STAM: variants seen among roughly 807,000 people sequenced by gnomAD.
STAM encodes the protein signal transducing adapter molecule 1.
Under a neutral mutation model 63.4 loss-of-function variants are expected in STAM, and 16 were observed. The ratio of observed to expected loss-of-function variants is 0.25; its 90% confidence interval spans 0.17 to 0.38. The LOEUF (loss-of-function observed/expected upper bound fraction) is 0.38, where lower values mean the gene tolerates loss of function less well. Among genes scored for constraint, STAM ranks in the 10% least tolerant of loss-of-function variants. The pLI, the probability that STAM is intolerant of heterozygous loss-of-function variation, is 1.00. For missense variants in STAM, 636 were observed against 657.1 expected (o/e 0.97, Z 0.35); for synonymous variants, 238 against 223.9 (o/e 1.06, Z -0.56).
At chr10:17,694,130 A>C (rs868931852) in intron 6 of STAM, among the ~76,000 whole-genome samples, 13 of 152,246 alleles carry the variant, frequency 8.5e-5, no homozygotes, top group Admixed American at 2.0e-4. Context: ...GATATGTACA[A>C]GTCTTTATTT....
intron 13 of STAM, among the ~76,000 whole-genome samples, chr10:17,709,364 C>A (rs1001182835): frequency 6.6e-6 from 1 of 152,074 alleles, no homozygotes; most frequent in Admixed American, 6.6e-5. Flanking sequence ...CTCTTTAAGA[C>A]AAATATTTTC....
chr10:17,675,018 A>C (rs1015738873), intron 2 of STAM, among the ~76,000 whole-genome samples: 9 of 152,262 alleles, frequency 5.9e-5, no homozygotes, highest in Non-Finnish European at 1.3e-4. Context: ...ACATGGAAAA[A>C]ATTGTTCTGT....
chr10:17,700,207 G>C lies in STAM; in HGVS notation c.840G>C (p.Lys280Asn). The C allele has an allele frequency of 6.2e-7, 1 of 1,608,090 alleles. No homozygotes were observed. The highest frequency in any genetic ancestry group is 8.5e-7 in the Non-Finnish European group (1 of 1,177,584). The change falls in exon 9 of 14, where the codon AAG becomes AAC. Residue 280 changes from lysine (K) to asparagine (N), a missense_variant. Lys to Asn is a moderately conservative substitution (Grantham distance 94, BLOSUM62 0). Around this residue, in one of 3 missense-constraint regions of STAM, gnomAD observed 532 missense variants for 536.9 expected, o/e 0.99. Coordinates refer to ENST00000377524, the MANE Select transcript of STAM (RefSeq NM_003473.4). ...AEPEMIKTEK[K>N]TVQFSDDVQV... ...ATCTTACAGTTAAAACAGAGAAGAAGACGGTACAATTTAGTGATGATGTTC... is the reference window on the plus strand; with the variant it reads ...ATCTTACAGTTAAAACAGAGAAGAACACGGTACAATTTAGTGATGATGTTC...
intron 5 of STAM, 53 bp from the exon 6 acceptor site, chr10:17,693,169 A>G: frequency 6.6e-7 from 1 of 1,513,750 alleles, no homozygotes; most frequent in Non-Finnish European, 9.1e-7. Flanking sequence ...GGTGGGTGAG[A>G]GGAGGAGAAT....
chr10:17,687,245 C>T (rs903551476), intron 4 of STAM, among the ~76,000 whole-genome samples: 5 of 152,032 alleles, frequency 3.3e-5, no homozygotes, highest in Non-Finnish European at 1.5e-5. Context: ...GAGGCTGAGG[C>T]GGGCGAATCA....
rs868921837 is a variant in STAM, at chr10:17,667,081, C to T, written c.125+6533C>T. 7.3e-5 allele frequency among the ~76,000 whole-genome samples: 11 copies of T among 151,664 alleles called. No homozygotes were observed. In the Middle Eastern group the frequency reaches 0.017, roughly 238 times the overall value. Reference sequence around the variant, plus strand: ...AGAAATCTAATTGATATTTAGGATTCTTTTATATAACTTAAAATAGCGGAA... The same window carrying T: ...AGAAATCTAATTGATATTTAGGATTTTTTTATATAACTTAAAATAGCGGAA... On this transcript the variant is annotated intron_variant, in intron 2 of 13. Transcript: ENST00000377524.
intron 9 of STAM, among the ~76,000 whole-genome samples, chr10:17,703,285 A>C (rs545615471): frequency 5.7e-4 from 86 of 150,822 alleles, no homozygotes; most frequent in African/African-American, 2.1e-3. Flanking sequence ...TACATTGAAA[A>C]TTGGTATCCA....
intron 12 of STAM, among the ~76,000 whole-genome samples, chr10:17,707,182 G>A (rs1836324572): frequency 6.6e-6 from 1 of 152,076 alleles, no homozygotes; most frequent in Non-Finnish European, 1.5e-5. Context: ...GGCCGAGGCG[G>A]GTGGATCACG....
intron 11 of STAM, 96 bp downstream of exon 11, chr10:17,705,120 T>C (rs1836200717): frequency 1.1e-6 from 1 of 946,504 alleles, no homozygotes; most frequent in African/African-American, 1.6e-5. Context: ...AAAAAAAAAA[T>C]ATTGTGGAGG....
rs1211786520 is a variant in STAM at position 17,678,938 on chromosome 10, T to A, written c.126-5737T>A. 5.9e-5 allele frequency among the ~76,000 whole-genome samples: 9 copies of A among 152,342 alleles called. No individual in the cohort carries two copies. In the South Asian group the frequency reaches 1.4e-3, roughly 25 times the overall value. ...GCATAATGTTTTCAAGGTCCATCCA[T>A]GTTGTATATAGCATGTGTCAGAATT... On this transcript the variant is annotated intron_variant, in intron 2 of 13. Coordinates refer to ENST00000377524, the MANE Select transcript of STAM (RefSeq NM_003473.4).
intron 11 of STAM, 133 bp from the exon 12 acceptor site, chr10:17,705,455 G>A: frequency 9.2e-7 from 1 of 1,081,826 alleles, no homozygotes; most frequent in Non-Finnish European, 1.3e-6. Context: ...GGATATTTTT[G>A]TTATAAGTGA....
At chr10:17,691,203 T>G (rs782813583) in intron 5 of STAM, among the ~76,000 whole-genome samples, 44 of 152,246 alleles carry the variant, frequency 2.9e-4, no homozygotes, top group Non-Finnish European at 5.3e-4. Context: ...CCAAAAAGTT[T>G]TTTTCTTCTC....
chr10:17,710,184 A>G (rs143028570), intron 13 of STAM, among the ~76,000 whole-genome samples: 16 of 152,116 alleles, frequency 1.1e-4, no homozygotes, highest in African/African-American at 2.7e-4. Context: ...CTGTTTGACT[A>G]TGTCACATGC....
At chr10:17,646,975 A>G (rs185563373) in intron 1 of STAM, among the ~76,000 whole-genome samples, 1 of 152,378 alleles carries the variant, frequency 6.6e-6, no homozygotes, top group Admixed American at 6.5e-5. Flanking sequence ...TCAGAAATTC[A>G]CTGACTGATT....
At chr10:17,692,109 G>T (rs1320256651) in intron 5 of STAM, among the ~76,000 whole-genome samples, 1 of 152,084 alleles carries the variant, frequency 6.6e-6, no homozygotes, top group African/African-American at 2.4e-5. Flanking sequence ...TGCTATTATC[G>T]TAGTCATTTT....
chr10:17,688,243 T>C, intron 5 of STAM, 70 bp downstream of exon 5: 1 of 1,328,612 alleles, frequency 7.5e-7, no homozygotes, highest in Non-Finnish European at 9.8e-7. Context: ...TATTTGAATT[T>C]TTTTCTTCAT....
At chr10:17,707,499 A>C (rs1173950515) in intron 12 of STAM, among the ~76,000 whole-genome samples, 1 of 152,158 alleles carries the variant, frequency 6.6e-6, no homozygotes, top group African/African-American at 2.4e-5. Flanking sequence ...GACTGTGTTC[A>C]GATTAACGTT....
At chr10:17,657,951 T>G (rs1420210395) in intron 1 of STAM, among the ~76,000 whole-genome samples, 1 of 152,090 alleles carries the variant, frequency 6.6e-6, no homozygotes, top group East Asian at 1.9e-4. Flanking sequence ...GTATTGGTCT[T>G]ATGTTCAGAT....
intron 1 of STAM, among the ~76,000 whole-genome samples, chr10:17,652,969 C>T (rs1833796559): frequency 6.6e-6 from 1 of 152,106 alleles, no homozygotes; most frequent in Non-Finnish European, 1.5e-5. Context: ...AGGAGACAGC[C>T]TCTAAATCCT....
Sources: allele counts gnomAD v4.1 joint callset (sites outside exome capture counted in the v4.1 genomes callset), GRCh38; gene constraint gnomAD v4.1.1; regional missense constraint gnomAD v4.1.1; transcripts MANE v1.5; gene names NCBI Gene and HGNC (gene_info 2026-07-23, HGNC 2026-07-21).